The following CDH1 variants were observed in gnomAD, a reference collection of about 807,000 sequenced individuals.
CDH1 encodes cadherin-1.
Under a neutral mutation model 84.5 loss-of-function variants are expected in CDH1, and 35 were observed. That is an observed-to-expected ratio of 0.41 (90% CI 0.32 to 0.55). The LOEUF is 0.55. Among genes scored for constraint, CDH1 ranks in the 20% least tolerant of loss-of-function variants. The pLI is 0.19. For synonymous variants in CDH1, 417 were observed against 439.0 expected (o/e 0.95, Z 0.63); for missense variants, 994 against 1,126.6 (o/e 0.88, Z 1.68).
intron 10 of CDH1, among the ~76,000 whole-genome samples, chr16:68,816,259 C>G (rs923352598): frequency 6.6e-6 from 1 of 152,214 alleles, no homozygotes; most frequent in Non-Finnish European, 1.5e-5. Context: ...CTCAAGTGAT[C>G]TGCCTGCCTC....
chr16:68,768,138 G>T (rs894715373), intron 2 of CDH1, among the ~76,000 whole-genome samples: 7 of 152,132 alleles, frequency 4.6e-5, no homozygotes, highest in Non-Finnish European at 7.4e-5. Context: ...TAGAGACAAG[G>T]TTTCTCCACG....
intron 2 of CDH1, among the ~76,000 whole-genome samples, chr16:68,801,187 C>T (rs1256366779): frequency 2.0e-5 from 3 of 152,340 alleles, no homozygotes; most frequent in East Asian, 1.9e-4. Flanking sequence ...TCTCAGCTCA[C>T]TGCAACCTCC....
chr16:68,812,294 A>T (rs1218172695), intron 8 of CDH1, 31 bp downstream of exon 8: 1 of 1,612,608 alleles, frequency 6.2e-7, no homozygotes, highest in Non-Finnish European at 8.5e-7. Flanking sequence ...AGGGTTTCCA[A>T]AGAAAGGTCT....
chr16:68,818,749 C>T (rs1422117265), intron 10 of CDH1, among the ~76,000 whole-genome samples: 1 of 146,068 alleles, frequency 6.8e-6, no homozygotes, highest in East Asian at 2.0e-4. Flanking sequence ...ACTCCGGAGG[C>T]TGAGGCAGAA....
At chr16:68,762,353 A>T (rs1335833559) in intron 2 of CDH1, among the ~76,000 whole-genome samples, 1 of 152,122 alleles carries the variant, frequency 6.6e-6, no homozygotes, top group Admixed American at 6.6e-5. Context: ...CTCCCCCACC[A>T]GGCTGGGTAC....
intron 2 of CDH1, among the ~76,000 whole-genome samples, chr16:68,750,373 A>C (rs1962858180): frequency 1.3e-5 from 2 of 151,696 alleles, no homozygotes. Context: ...TCTTGTTCCA[A>C]ATGAGACCTA....
rs1064796210 is a variant in CDH1 at position 68,808,795 on chromosome 16, G to A, written c.634G>A (p.Gly212Arg). 1 of 1,614,186 alleles carries A rather than the reference G, an allele frequency of 6.2e-7. No homozygotes were observed. Among genetic ancestry groups the A allele is most frequent in the Non-Finnish European group, 8.5e-7 (1 of 1,180,030 alleles). Reference protein sequence around the residue: ...VGVFIIERETGWLKVTEPLDR... With the variant: ...VGVFIIERETRWLKVTEPLDR... ...TGTCTTTATTATTGAAAGAGAAACA[G>A]GATGGCTGAAGGTGACAGAGCCTCT... is the stretch of plus-strand genomic sequence containing the variant. The change falls in exon 5 of 16, where the codon GGA becomes AGA. Residue 212 changes from glycine (G) to arginine (R), a missense_variant. By Grantham distance (125) the Gly-to-Arg change is moderately radical (BLOSUM62 -2). Around this residue, in one of 3 missense-constraint regions of CDH1, gnomAD observed 769 missense variants for 881.8 expected, o/e 0.87. Transcript: ENST00000261769.
At chr16:68,759,592 C>T (rs905219861) in intron 2 of CDH1, among the ~76,000 whole-genome samples, 2 of 151,262 alleles carry the variant, frequency 1.3e-5, no homozygotes, top group East Asian at 2.0e-4. Flanking sequence ...CGAGTTCAAG[C>T]GATTCTCCTG....
intron 2 of CDH1, among the ~76,000 whole-genome samples, chr16:68,783,486 G>A (rs1277962121): frequency 1.3e-5 from 2 of 151,820 alleles, no homozygotes; most frequent in East Asian, 3.9e-4. Flanking sequence ...GTACCTAAGA[G>A]CCTAAAAGTG....
chr16:68,767,827 G>A (rs958959343), intron 2 of CDH1, among the ~76,000 whole-genome samples: 9 of 152,188 alleles, frequency 5.9e-5, no homozygotes, highest in African/African-American at 2.2e-4. Flanking sequence ...GGGTGTGGTA[G>A]TGTGCACTTG....
chr16:68,792,975 A>T (rs1176026419), intron 2 of CDH1, among the ~76,000 whole-genome samples: 3 of 152,140 alleles, frequency 2.0e-5, no homozygotes, highest in Admixed American at 6.5e-5. Context: ...CTGGGCACAT[A>T]TGTTTGGGGG....
At chr16:68,788,820 A>C (rs1047518569) in intron 2 of CDH1, among the ~76,000 whole-genome samples, 4 of 152,072 alleles carry the variant, frequency 2.6e-5, no homozygotes, top group African/African-American at 9.7e-5. Context: ...AACATGGAGA[A>C]ACCCCATCTC....
At chr16:68,810,148 T>C (rs1162691387) in intron 5 of CDH1, 49 bp from the exon 6 acceptor site, 2 of 1,610,862 alleles carry the variant, frequency 1.2e-6, no homozygotes, top group African/African-American at 2.7e-5. Flanking sequence ...CCTTCTCCCA[T>C]GTTTTCTTCC....
intron 2 of CDH1, among the ~76,000 whole-genome samples, chr16:68,751,049 G>C (rs1051443194): frequency 6.6e-6 from 1 of 152,014 alleles, no homozygotes. Context: ...CTTCATTGTC[G>C]CAGCAGCTTC....
chr16:68,783,398 AAAAAAAG>A (rs1206024611), intron 2 of CDH1, among the ~76,000 whole-genome samples: 6 of 137,420 alleles, frequency 4.4e-5, no homozygotes, highest in African/African-American at 1.3e-4. Flanking sequence ...CAAAAAAAAA[AAAAAAAG>A]AAAAAAGAAA....
At chr16:68,766,738 C>CT (rs11426768) in intron 2 of CDH1, among the ~76,000 whole-genome samples, 95,829 of 150,280 alleles carry the variant, frequency 0.64, 30,878 homozygotes, top group African/African-American at 0.72. Context: ...CTAGAACCCC[C>CT]TTTTTTTTTG....
Position 68,748,694 on chromosome 16 carries a change from A to G in CDH1, c.163+10283A>G, listed in dbSNP as rs1489871503. ...AGGTATGTGCATTTGTAATTTTGGC[A>G]GATATTGCCTTCCACAAAGACTGTG... On this transcript the variant is annotated intron_variant, in intron 2 of 15. Coordinates refer to ENST00000261769, the MANE Select transcript of CDH1 (RefSeq NM_004360.5). Among the ~76,000 whole-genome samples, 3 of 152,202 alleles carry G rather than the reference A, an allele frequency of 2.0e-5. No homozygotes were observed. The East Asian group carries it at 5.8e-4, about 29-fold the overall frequency.
intron 2 of CDH1, among the ~76,000 whole-genome samples, chr16:68,757,947 T>A (rs898183120): frequency 2.0e-5 from 3 of 149,340 alleles, no homozygotes; most frequent in Non-Finnish European, 4.5e-5. Context: ...TACAGGTGCA[T>A]GCCACCACTC....
intron 3 of CDH1, among the ~76,000 whole-genome samples, chr16:68,807,280 G>T (rs1373060833): frequency 6.6e-6 from 1 of 152,136 alleles, no homozygotes; most frequent in African/African-American, 2.4e-5. Context: ...GTGAGATGAA[G>T]AGATTTATAT....
Sources: allele counts gnomAD v4.1 joint callset (sites outside exome capture counted in the v4.1 genomes callset), GRCh38; gene constraint gnomAD v4.1.1; regional missense constraint gnomAD v4.1.1; transcripts MANE v1.5; gene names NCBI Gene and HGNC (gene_info 2026-07-23, HGNC 2026-07-21).